The following DGKI variants were observed in gnomAD, a reference collection of about 807,000 sequenced individuals.
DGKI encodes diacylglycerol kinase iota, also known as DAG kinase iota.
Under a neutral mutation model 147.5 loss-of-function variants are expected in DGKI, and 55 were observed. That is an observed-to-expected ratio of 0.37 (90% CI 0.30 to 0.47). The LOEUF (loss-of-function observed/expected upper bound fraction) is 0.47. DGKI is among the 20% of genes least tolerant of loss of function. The probability of loss-of-function intolerance (pLI) is 1.00; values close to 1 mark genes in which losing one functional copy is unlikely to be tolerated. For synonymous variants in DGKI, 469 were observed against 477.1 expected (o/e 0.98, Z 0.22); for missense variants, 1,007 against 1,323.8 (o/e 0.76, Z 3.71).
chr7:137,466,643 T>G (rs1300000638), intron 25 of DGKI, among the ~76,000 whole-genome samples: 1 of 152,188 alleles, frequency 6.6e-6, no homozygotes, highest in African/African-American at 2.4e-5. Context: ...GAATGAAAAT[T>G]TGGAGTACAG....
chr7:137,517,311 GAAAGAAAGAAAGAAAGAAAGAAAGAA>G (rs1816798164), intron 21 of DGKI, among the ~76,000 whole-genome samples: 1 of 98,570 alleles, frequency 1.0e-5, no homozygotes, highest in African/African-American at 4.4e-5. Flanking sequence ...AAGAAAGAAA[GAAAGAAAGAAAGAAAGAAAGAAAGAA>G]AGAGAAAGAA....
rs558678169 is a variant in DGKI at position 137,691,730 on chromosome 7, C to T, written c.402-1728G>A. ...CACTGAGTAGAAGCCAGTAAGAATCCAGGATTGTGCAACCATTAATCAATT... is the reference window on the plus strand; with the variant it reads ...CACTGAGTAGAAGCCAGTAAGAATCTAGGATTGTGCAACCATTAATCAATT... On this transcript the variant is annotated intron_variant, in intron 1 of 32. Coordinates refer to ENST00000614521, the MANE Select transcript of DGKI (RefSeq NM_001321708.2). 1.4e-4 allele frequency among the ~76,000 whole-genome samples: 21 copies of T among 150,430 alleles called. 1 individual carries two copies. The South Asian group carries it at 4.0e-3, about 29-fold the overall frequency.
chr7:137,518,900 G>C (rs1253088560), intron 21 of DGKI, among the ~76,000 whole-genome samples: 1 of 152,014 alleles, frequency 6.6e-6, no homozygotes, highest in East Asian at 1.9e-4. Flanking sequence ...GTTTATGAGA[G>C]TGATTTTCTG....
intron 1 of DGKI, among the ~76,000 whole-genome samples, chr7:137,783,949 G>A (rs1327876834): frequency 6.6e-6 from 1 of 152,124 alleles, no homozygotes; most frequent in East Asian, 1.9e-4. Context: ...CCACTCCCAA[G>A]TCAGCATTAC....
chr7:137,600,991 G>A (rs1819968430), intron 10 of DGKI, among the ~76,000 whole-genome samples: 1 of 152,104 alleles, frequency 6.6e-6, no homozygotes, highest in Admixed American at 6.5e-5. Context: ...GCAAGAAGGG[G>A]CCGGGCACGG....
intron 26 of DGKI, 131 bp from the exon 27 acceptor site, chr7:137,463,742 A>G (rs1025779126): frequency 2.1e-6 from 2 of 941,770 alleles, no homozygotes; most frequent in Admixed American, 5.4e-5. Context: ...TGTTTACCAG[A>G]TACTACCCAT....
chr7:137,503,090 C>T lies in DGKI; in HGVS notation c.2249-15401G>A, dbSNP rs1160836847. 2.6e-5 allele frequency among the ~76,000 whole-genome samples: 4 copies of T among 152,260 alleles called. No individual in the cohort carries two copies. In the East Asian group the frequency reaches 7.7e-4, roughly 29 times the overall value. On this transcript the variant is annotated intron_variant, in intron 21 of 32. Transcript: ENST00000614521. ...GCAGAAATGTGGTCATTTTTAAAGG[C>T]TCCCCATTCCTCTCCTTTTCCGATA... is the stretch of plus-strand genomic sequence containing the variant.
chr7:137,404,405 A>ACTAAT (rs1424982610), intron 30 of DGKI, among the ~76,000 whole-genome samples: 15 of 152,348 alleles, frequency 9.8e-5, no homozygotes, highest in African/African-American at 3.4e-4. Flanking sequence ...GTTGATAAAA[A>ACTAAT]CTAATTTCAG....
intron 27 of DGKI, among the ~76,000 whole-genome samples, chr7:137,457,333 C>T (rs1814243563): frequency 6.6e-6 from 1 of 152,230 alleles, no homozygotes; most frequent in Non-Finnish European, 1.5e-5. Flanking sequence ...GATTGTGAAG[C>T]TGAAAGAATA....
intron 1 of DGKI, among the ~76,000 whole-genome samples, chr7:137,838,083 A>C (rs1585554528): frequency 6.7e-6 from 1 of 148,400 alleles, no homozygotes; most frequent in African/African-American, 2.5e-5. Context: ...GCTCACTGCA[A>C]CCTCCGCCTC....
intron 1 of DGKI, among the ~76,000 whole-genome samples, chr7:137,758,800 G>C (rs1455793018): frequency 6.6e-6 from 1 of 152,076 alleles, no homozygotes; most frequent in African/African-American, 2.4e-5. Context: ...TTTTGGGCAA[G>C]ATCACACTGG....
intron 12 of DGKI, among the ~76,000 whole-genome samples, chr7:137,594,072 A>C: frequency 6.6e-6 from 1 of 152,200 alleles, no homozygotes; most frequent in Admixed American, 6.5e-5. Flanking sequence ...CTTGAGACAG[A>C]GTCTCACTGT....
chr7:137,700,380 T>C (rs1206687366), intron 1 of DGKI, among the ~76,000 whole-genome samples: 1 of 152,220 alleles, frequency 6.6e-6, no homozygotes, highest in African/African-American at 2.4e-5. Flanking sequence ...GACAGATGAA[T>C]GGTTGTCTTG....
chr7:137,674,228 T>C (rs1195718577), intron 3 of DGKI, among the ~76,000 whole-genome samples: 1 of 152,236 alleles, frequency 6.6e-6, no homozygotes, highest in Non-Finnish European at 1.5e-5. Context: ...TATTAAATGT[T>C]GCCACCAGAG....
At chr7:137,702,353 G>A (rs1472825807) in intron 1 of DGKI, among the ~76,000 whole-genome samples, 1 of 152,068 alleles carries the variant, frequency 6.6e-6, no homozygotes, top group Admixed American at 6.6e-5. Context: ...GACATGTCAA[G>A]CAATACTTCT....
intron 3 of DGKI, among the ~76,000 whole-genome samples, chr7:137,673,947 A>G (rs1305747985): frequency 6.6e-6 from 1 of 152,218 alleles, no homozygotes; most frequent in East Asian, 1.9e-4. Flanking sequence ...GCTCACAAAC[A>G]CTGACAGAAT....
intron 10 of DGKI, among the ~76,000 whole-genome samples, chr7:137,604,960 T>A (rs1820123952): frequency 6.6e-6 from 1 of 152,118 alleles, no homozygotes; most frequent in South Asian, 2.1e-4. Flanking sequence ...TAGGAGGGGA[T>A]TGCACTGGAG....
At chr7:137,663,536 C>T (rs921010533) in intron 3 of DGKI, among the ~76,000 whole-genome samples, 2 of 152,176 alleles carry the variant, frequency 1.3e-5, no homozygotes, top group African/African-American at 4.8e-5. Flanking sequence ...ATGTCCACTG[C>T]GGGACAATTC....
intron 1 of DGKI, among the ~76,000 whole-genome samples, chr7:137,699,596 C>T (rs1823909112): frequency 6.6e-6 from 1 of 152,098 alleles, no homozygotes; most frequent in South Asian, 2.1e-4. Flanking sequence ...CAGAATTGAA[C>T]AAATTTAGGA....
Sources: allele counts gnomAD v4.1 joint callset (sites outside exome capture counted in the v4.1 genomes callset), GRCh38; gene constraint gnomAD v4.1.1; transcripts MANE v1.5; gene names NCBI Gene and HGNC (gene_info 2026-07-23, HGNC 2026-07-21).